ERC2: variants seen among roughly 807,000 people sequenced by gnomAD.
ERC2 encodes ELKS/RAB6-interacting/CAST family member 2, also known as ERC protein 2.
In ERC2, 42 loss-of-function variants were observed where a neutral mutation model predicts 114.8. The observed-to-expected ratio is 0.37, with a 90% CI of 0.29 to 0.47. The LOEUF is 0.47. Ranked by LOEUF, ERC2 falls within the 20% of genes least tolerant of loss-of-function variation. The pLI, the probability that ERC2 is intolerant of heterozygous loss-of-function variation, is 0.99. For missense variants in ERC2, 939 were observed against 1,150.7 expected, an observed-to-expected ratio of 0.82 and a Z score of 2.66; for synonymous variants, 454 against 425.5, an observed-to-expected ratio of 1.07 and a Z score of -0.82.
At chr3:55,998,882 G>T (rs2071809466) in intron 10 of ERC2, among the ~76,000 whole-genome samples, 1 of 152,146 alleles carries the variant, frequency 6.6e-6, no homozygotes, top group Non-Finnish European at 1.5e-5. Context: ...ATTTCAAATG[G>T]ATACCTACTA....
chr3:55,840,205 G>A (rs746354346), intron 14 of ERC2, among the ~76,000 whole-genome samples: 93 of 151,820 alleles, frequency 6.1e-4, no homozygotes, highest in Non-Finnish European at 1.3e-3. Flanking sequence ...CCCCACACTA[G>A]GTGAAAAGAT....
At chr3:55,534,253 A>G (rs1356084495) in intron 17 of ERC2, among the ~76,000 whole-genome samples, 1 of 152,178 alleles carries the variant, frequency 6.6e-6, no homozygotes, top group Admixed American at 6.5e-5. Flanking sequence ...ACCTCATCTT[A>G]ACAAAAAGAA....
At chr3:55,741,013 C>G (rs567653742) in intron 14 of ERC2, among the ~76,000 whole-genome samples, 1 of 152,048 alleles carries the variant, frequency 6.6e-6, no homozygotes, top group Non-Finnish European at 1.5e-5. Context: ...TACTTCTGGT[C>G]CCAAGCATTC....
intron 3 of ERC2, among the ~76,000 whole-genome samples, chr3:56,250,072 G>T (rs1042599145): frequency 1.3e-5 from 2 of 151,900 alleles, no homozygotes; most frequent in Non-Finnish European, 2.9e-5. Context: ...GGGCCAGGCT[G>T]GTCTTGAACT....
At chr3:55,913,350 T>A (rs1035705006) in intron 13 of ERC2, among the ~76,000 whole-genome samples, 1 of 152,082 alleles carries the variant, frequency 6.6e-6, no homozygotes, top group Non-Finnish European at 1.5e-5. Context: ...TAAATAAGAG[T>A]AGATAAATCA....
intron 17 of ERC2, among the ~76,000 whole-genome samples, chr3:55,528,744 A>G (rs1396199053): frequency 6.6e-6 from 1 of 152,154 alleles, no homozygotes; most frequent in Non-Finnish European, 1.5e-5. Context: ...ATTATTCTTT[A>G]TTTAAGAATT....
chr3:55,802,222 T>G (rs1261133599), intron 14 of ERC2, among the ~76,000 whole-genome samples: 2 of 152,254 alleles, frequency 1.3e-5, no homozygotes, highest in Middle Eastern at 3.2e-3. Context: ...CGTTATTAAC[T>G]GCCTGTATCA....
chr3:56,066,562 G>A (rs1242393698), intron 7 of ERC2, among the ~76,000 whole-genome samples: 1 of 152,126 alleles, frequency 6.6e-6, no homozygotes, highest in Non-Finnish European at 1.5e-5. Context: ...AGTTTAATTA[G>A]ATCCCATTTG....
At chr3:55,806,057 G>A (rs925300519) in intron 14 of ERC2, among the ~76,000 whole-genome samples, 2 of 151,974 alleles carry the variant, frequency 1.3e-5, no homozygotes, top group Non-Finnish European at 2.9e-5. Flanking sequence ...AAGATATGAG[G>A]GGCTGGGTAT....
intron 14 of ERC2, among the ~76,000 whole-genome samples, chr3:55,874,130 G>A (rs1242635901): frequency 6.6e-6 from 1 of 152,128 alleles, no homozygotes; most frequent in Admixed American, 6.5e-5. Flanking sequence ...CAGCTTCCTG[G>A]AAACCAAAAA....
intron 12 of ERC2, among the ~76,000 whole-genome samples, chr3:55,953,204 C>CA (rs10575146): frequency 0.28 from 39,254 of 140,178 alleles, 6,332 homozygotes; most frequent in Non-Finnish European, 0.35. Flanking sequence ...AACTCCATCT[C>CA]AAAAAAAAAA....
chr3:56,311,255 C>CTCTCTCTCTCTCTCTA (rs1314796268), intron 2 of ERC2, among the ~76,000 whole-genome samples: 1 of 79,076 alleles, frequency 1.3e-5, no homozygotes, highest in African/African-American at 5.7e-5. Context: ...CTCTCTCTCT[C>CTCTCTCTCTCTCTCTA]TATATATATA....
intron 17 of ERC2, among the ~76,000 whole-genome samples, chr3:55,594,526 G>C (rs2058045332): frequency 6.6e-6 from 1 of 152,086 alleles, no homozygotes; most frequent in African/African-American, 2.4e-5. Flanking sequence ...CTGTCACCCA[G>C]GATGGAGTAT....
At chr3:56,153,081 T>A (rs1000209419) in intron 4 of ERC2, among the ~76,000 whole-genome samples, 5 of 152,216 alleles carry the variant, frequency 3.3e-5, no homozygotes, top group Non-Finnish European at 5.9e-5. Context: ...TCTCTTTTTT[T>A]AAATCTATCT....
At position 56,296,303 on chromosome 3, in the gene ERC2, T is replaced by TA. The variant is rs750631399; in HGVS notation, c.789dup (p.Arg264Ter). On this transcript the variant is annotated frameshift_variant, in exon 3 of 18. Coordinates refer to ENST00000288221, the MANE Select transcript of ERC2 (RefSeq NM_015576.3). LOFTEE classifies it high-confidence loss of function. ...CTGTCATGCTCGGCTTGGAGCCGCCTAAAGTTCTCCTCGGTCAGCTCGATG... is the reference window on the plus strand; with the variant it reads ...CTGTCATGCTCGGCTTGGAGCCGCCTAAAAGTTCTCCTCGGTCAGCTCGATG... 1 of 1,613,998 alleles carries TA rather than the reference T, an allele frequency of 6.2e-7. No individual in the cohort carries two copies. The highest frequency in any genetic ancestry group is 8.5e-7 in the Non-Finnish European group (1 of 1,179,896).
At chr3:55,623,851 T>C (rs1044943997) in intron 17 of ERC2, among the ~76,000 whole-genome samples, 1 of 152,242 alleles carries the variant, frequency 6.6e-6, no homozygotes, top group Non-Finnish European at 1.5e-5. Context: ...AGGGGCACCC[T>C]TTCTGCAGAA....
chr3:56,245,888 C>T (rs2150217340), intron 3 of ERC2, among the ~76,000 whole-genome samples: 1 of 152,154 alleles, frequency 6.6e-6, no homozygotes, highest in East Asian at 1.9e-4. Context: ...TACCTGAATG[C>T]TCCTTTATGA....
chr3:56,053,271 C>T (rs985317010), intron 7 of ERC2, among the ~76,000 whole-genome samples: 1 of 152,102 alleles, frequency 6.6e-6, no homozygotes, highest in African/African-American at 2.4e-5. Context: ...AACTGAACAA[C>T]CAGACCCACA....
At chr3:55,572,416 G>A (rs1253803502) in intron 17 of ERC2, among the ~76,000 whole-genome samples, 3 of 152,236 alleles carry the variant, frequency 2.0e-5, no homozygotes, top group South Asian at 4.2e-4. Flanking sequence ...CATCTCCCAC[G>A]AGCACCCATG....
Sources: gnomAD v4.1 joint callset for allele counts (sites outside exome capture counted in the v4.1 genomes callset) on GRCh38, gnomAD v4.1.1 for gene constraint, MANE v1.5 for transcripts, NCBI Gene and HGNC (gene_info 2026-07-23, HGNC 2026-07-21) for gene names.